The following CACNA1D variants were observed in gnomAD, a reference collection of about 807,000 sequenced individuals.
CACNA1D encodes the protein calcium voltage-gated channel subunit alpha1 D.
Under a neutral mutation model 257.1 loss-of-function variants are expected in CACNA1D, and 55 were observed. The ratio of observed to expected loss-of-function variants is 0.21; its 90% CI spans 0.17 to 0.27. The LOEUF (loss-of-function observed/expected upper bound fraction) is 0.27. Among genes scored for constraint, CACNA1D ranks in the 10% least tolerant of loss-of-function variants. The probability of loss-of-function intolerance (pLI) is 1.00; values close to 1 mark genes in which losing one functional copy is unlikely to be tolerated. For missense variants in CACNA1D, 1,876 were observed against 2,784.0 expected, an observed-to-expected ratio of 0.67 and a Z score of 7.34; for synonymous variants, 980 against 1,014.9, an observed-to-expected ratio of 0.97 and a Z score of 0.65.
chr3:53,810,385 G>C, intron 47 of CACNA1D, 87 bp downstream of exon 47: 1 of 1,332,094 alleles, frequency 7.5e-7, no homozygotes, highest in Admixed American at 1.7e-5. Flanking sequence ...AGTGGTGGGA[G>C]GGCGGCCAGG....
In CACNA1D at chr3:53,497,311, C is replaced by T; in HGVS notation, c.227C>T (p.Pro76Leu). 5 of 1,614,146 alleles carry T rather than the reference C, an allele frequency of 3.1e-6. No homozygotes were observed. The highest frequency in any genetic ancestry group is 4.2e-6 in the Non-Finnish European group (5 of 1,180,044). ...ACTATGAGCACCTCTGCACCCCCACCTGTAGGATCTCTCTCCCAAAGAAAA... is the reference window on the plus strand; with the variant it reads ...ACTATGAGCACCTCTGCACCCCCACTTGTAGGATCTCTCTCCCAAAGAAAA... ...AQTMSTSAPP[P>L]VGSLSQRKRQ... Residue 76 changes from proline (P) to leucine (L), a missense_variant, in exon 2 of 48, where the codon CCT becomes CTT. By Grantham distance (98) the Pro-to-Leu change is moderately conservative. Around this residue, in one of 10 missense-constraint regions of CACNA1D, gnomAD observed 143 missense variants for 168.7 expected, o/e 0.85. Coordinates refer to ENST00000350061, the MANE Select transcript of CACNA1D (RefSeq NM_001128840.3).
At chr3:53,728,436 G>C (rs1299937618) in intron 15 of CACNA1D, among the ~76,000 whole-genome samples, 1 of 152,108 alleles carries the variant, frequency 6.6e-6, no homozygotes, top group Non-Finnish European at 1.5e-5. Context: ...ACTGCGCCCG[G>C]CCTGTCTACT....
At chr3:53,728,722 A>G (rs1344262924) in intron 15 of CACNA1D, among the ~76,000 whole-genome samples, 1 of 152,162 alleles carries the variant, frequency 6.6e-6, no homozygotes, top group African/African-American at 2.4e-5. Flanking sequence ...ACTGTATCAG[A>G]GGTGCTTAGG....
Position 53,753,577 on chromosome 3 carries a change from C to T in CACNA1D, c.3681C>T (p.Tyr1227=), listed in dbSNP as rs750641374. The change falls in exon 29 of 48, where the codon TAC becomes TAT. Residue 1227 remains tyrosine (Y), a synonymous_variant. Transcript: ENST00000350061. ...LNTLCLAMQH[Y]EQSKMFNDAM... ...CCCTCTGTCTTCATCCATAGCACTA[C>T]GAGCAGTCCAAGATGTTCAATGATG... The T allele has an allele frequency of 9.4e-5, 151 of 1,599,554 alleles. No individual in the cohort carries two copies. The highest frequency in any genetic ancestry group is 1.2e-4 in the Non-Finnish European group (145 of 1,166,774).
At chr3:53,759,855 C>T (rs2095290366) in intron 29 of CACNA1D, among the ~76,000 whole-genome samples, 3 of 152,260 alleles carry the variant, frequency 2.0e-5, no homozygotes, top group South Asian at 4.1e-4. Context: ...GATCTCACCT[C>T]TGACTGCTAG....
rs2094265078 is a variant in CACNA1D, at chr3:53,666,499, C to T, written c.1080C>T (p.Cys360=). 2 of 1,614,166 alleles carry T rather than the reference C, an allele frequency of 1.2e-6. No individual in the cohort carries two copies. Among genetic ancestry groups the T allele is most frequent in the Admixed American group, 3.3e-5 (2 of 60,028 alleles). ...TTGCCATGCTTACTGTGTTTCAGTG[C>T]ATCACCATGGAGGGCTGGACAGATG... is the stretch of plus-strand genomic sequence containing the variant. ...FAFAMLTVFQ[C]ITMEGWTDVL... is the part of the protein sequence containing the mutation. Residue 360 remains cysteine (C), a synonymous_variant, in exon 7 of 48, where the codon TGC becomes TGT. Transcript: ENST00000350061.
intron 32 of CACNA1D, among the ~76,000 whole-genome samples, chr3:53,771,042 G>A (rs965477167): frequency 6.6e-6 from 1 of 152,204 alleles, no homozygotes; most frequent in Non-Finnish European, 1.5e-5. Context: ...CACAGAGTTC[G>A]GGATGTTTGG....
Position 53,702,810 on chromosome 3 carries a change from A to G in CACNA1D, c.1390A>G (p.Thr464Ala), listed in dbSNP as rs764734420. The change falls in exon 9 of 48, where the codon ACT becomes GCT. Residue 464 changes from threonine to alanine, a missense_variant and splice_region_variant. Around this residue, in one of 10 missense-constraint regions of CACNA1D, gnomAD observed 257 missense variants for 399.7 expected, o/e 0.64. Coordinates refer to ENST00000350061, the MANE Select transcript of CACNA1D (RefSeq NM_001128840.3). ...AGGAGGAGAGGAAGGCAAACGAAAT[A>G]GTATGTAGCGCCTTTCCTGCCCCTG... ...EEGGEEGKRN[T>A]SMPTSETESV... The G allele has an allele frequency of 1.9e-6, 3 of 1,614,152 alleles. No individual in the cohort carries two copies. The Admixed American group carries it at 5.0e-5, about 27-fold the overall frequency.
intron 7 of CACNA1D, among the ~76,000 whole-genome samples, chr3:53,672,758 C>CTGTGTGTGTGTGTGTG (rs57956658): frequency 9.5e-5 from 9 of 95,088 alleles, no homozygotes; most frequent in Non-Finnish European, 1.7e-4. Flanking sequence ...CTTGATGACT[C>CTGTGTGTGTGTGTGTG]TGTGTGTGTG....
At chr3:53,544,710 G>A (rs934139721) in intron 3 of CACNA1D, among the ~76,000 whole-genome samples, 2 of 152,200 alleles carry the variant, frequency 1.3e-5, no homozygotes, top group African/African-American at 4.8e-5. Flanking sequence ...CAAGGGGATG[G>A]CATATTTAGA....
chr3:53,805,362 C>G, intron 45 of CACNA1D: 1 of 594,928 alleles, frequency 1.7e-6, no homozygotes, highest in Non-Finnish European at 3.0e-6. Context: ...CTATGCTTGA[C>G]TCTCTTTGAG....
intron 3 of CACNA1D, among the ~76,000 whole-genome samples, chr3:53,549,589 A>G (rs2092485960): frequency 6.6e-6 from 1 of 152,218 alleles, no homozygotes; most frequent in Admixed American, 6.5e-5. Context: ...CTGTTCAGAG[A>G]CACAGTCTTT....
At chr3:53,502,099 A>T (rs1197990384) in intron 3 of CACNA1D, among the ~76,000 whole-genome samples, 1 of 144,574 alleles carries the variant, frequency 6.9e-6, no homozygotes, top group South Asian at 2.2e-4. Context: ...AGTGGTGGGT[A>T]CTTTGGTCAG....
chr3:53,699,081 G>A (rs760004137), intron 8 of CACNA1D, among the ~76,000 whole-genome samples: 5 of 152,120 alleles, frequency 3.3e-5, no homozygotes, highest in Non-Finnish European at 7.4e-5. Context: ...AAGGTGCCTC[G>A]GACTTGAGGT....
chr3:53,774,730 G>C lies in CACNA1D; in HGVS notation c.4202+52G>C. ...TCCTGGGCAGGGGGGTCCGCTAGGC[G>C]TGGGTCCAGAGGGACGGAGGACACA... On this transcript the variant is annotated intron_variant, in intron 34 of 47. Coordinates refer to ENST00000350061, the MANE Select transcript of CACNA1D (RefSeq NM_001128840.3). This position sits in a 1 kb window ranked among gnomAD's most constrained non-coding sequence, Gnocchi z 4.3. 1 of 1,043,540 alleles carries C rather than the reference G, an allele frequency of 9.6e-7. No homozygotes were observed. The highest frequency in any genetic ancestry group is 1.5e-6 in the Non-Finnish European group (1 of 658,978). 64.6% of individuals were successfully genotyped at this position (1,043,540 alleles called of 1,614,324 possible).
chr3:53,804,211 T>G (rs1261053984), intron 44 of CACNA1D, among the ~76,000 whole-genome samples: 4 of 152,144 alleles, frequency 2.6e-5, no homozygotes, highest in African/African-American at 9.7e-5. Flanking sequence ...CCCAGTGAAG[T>G]GGAAGTGGAA....
intron 3 of CACNA1D, among the ~76,000 whole-genome samples, chr3:53,561,409 T>C (rs763636788): frequency 1.3e-5 from 2 of 152,134 alleles, no homozygotes; most frequent in Non-Finnish European, 2.9e-5. Flanking sequence ...AAATAGGGGA[T>C]TGGATCCCTA....
At chr3:53,631,847 C>CT (rs1229114078) in intron 3 of CACNA1D, among the ~76,000 whole-genome samples, 1 of 152,158 alleles carries the variant, frequency 6.6e-6, no homozygotes, top group African/African-American at 2.4e-5. Context: ...TTGAAAGGAG[C>CT]TTTTTTCTGA....
intron 9 of CACNA1D, chr3:53,710,314 C>A (rs2094738006): frequency 4.6e-6 from 2 of 439,352 alleles, no homozygotes; most frequent in Non-Finnish European, 9.3e-6. Context: ...GCTGGCAGGG[C>A]TGGCCGCGTG....
Sources: allele counts gnomAD v4.1 joint callset (sites outside exome capture counted in the v4.1 genomes callset), GRCh38; gene constraint gnomAD v4.1.1; regional missense constraint gnomAD v4.1.1; non-coding constraint Gnocchi (gnomAD v3.1); transcripts MANE v1.5; gene names NCBI Gene and HGNC (gene_info 2026-07-23, HGNC 2026-07-21).